The following ZBTB44 variants were observed in gnomAD, a reference collection of about 807,000 sequenced individuals.
ZBTB44 encodes zinc finger and BTB domain containing 44, also known as zinc finger and BTB domain-containing protein 44.
A neutral mutation model predicts 54.0 loss-of-function variants in ZBTB44; 15 were observed. The observed-to-expected ratio is 0.28, with a 90% CI of 0.19 to 0.43. The LOEUF is 0.43. ZBTB44 is among the 20% of genes least tolerant of loss of function. The pLI is 1.00. For missense variants in ZBTB44, 487 were observed against 707.1 expected, an observed-to-expected ratio of 0.69 and a Z score of 3.53; for synonymous variants, 230 against 250.1, an observed-to-expected ratio of 0.92 and a Z score of 0.76.
chr11:130,255,554 C>A (rs1938361835), intron 2 of ZBTB44, among the ~76,000 whole-genome samples: 2 of 152,066 alleles, frequency 1.3e-5, no homozygotes, highest in African/African-American at 4.8e-5. Context: ...TAACTAAGAA[C>A]AGAGCAGAAC....
chr11:130,314,103 G>A (rs1371571658), intron 1 of ZBTB44, among the ~76,000 whole-genome samples: 1 of 152,182 alleles, frequency 6.6e-6, no homozygotes, highest in Non-Finnish European at 1.5e-5. Flanking sequence ...TCCGGGTTAG[G>A]GTGTTGGGCA....
chr11:130,245,408 T>C (rs1182521126), intron 2 of ZBTB44, among the ~76,000 whole-genome samples: 3 of 152,216 alleles, frequency 2.0e-5, no homozygotes, highest in South Asian at 4.1e-4. Flanking sequence ...AAAATAAACA[T>C]TAACTTTTCA....
At position 130,238,560 on chromosome 11, in the gene ZBTB44, G is replaced by T. The variant is rs1450849166; in HGVS notation, c.1151C>A (p.Thr384Asn). The T allele has an allele frequency of 6.2e-7, 1 of 1,612,958 alleles. No individual in the cohort carries two copies. Among genetic ancestry groups the T allele is most frequent in the Non-Finnish European group, 8.5e-7 (1 of 1,179,604 alleles). The change falls in exon 4 of 8, where the codon ACC becomes AAC. Residue 384 changes from threonine (T) to asparagine (N), a missense_variant. Physicochemically the swap from Thr to Asn is moderately conservative, Grantham distance 65 (BLOSUM62 0). Around this residue, in one of 3 missense-constraint regions of ZBTB44, gnomAD observed 277 missense variants for 306.5 expected, o/e 0.90. Transcript: ENST00000357899. ...TGGACTTGGTCGCTCTGTACTGCTGGTGGAAGGAGCAATGTAGAGTTGGTA... is the reference window on the plus strand; with the variant it reads ...TGGACTTGGTCGCTCTGTACTGCTGTTGGAAGGAGCAATGTAGAGTTGGTA... ...YPYQLYIAPS[T>N]SSTERPSPNG...
At chr11:130,249,320 G>A (rs191492468) in intron 2 of ZBTB44, among the ~76,000 whole-genome samples, 13 of 152,242 alleles carry the variant, frequency 8.5e-5, no homozygotes, top group African/African-American at 2.2e-4. Context: ...TACTGACTCT[G>A]GTAGTTTAGT....
chr11:130,247,608 T>C (rs1296650496), intron 2 of ZBTB44, among the ~76,000 whole-genome samples: 1 of 152,110 alleles, frequency 6.6e-6, no homozygotes, highest in East Asian at 1.9e-4. Context: ...AGGATGAACA[T>C]AGGTTGGATT....
At chr11:130,313,966 A>ATATATTTTTTTT in intron 1 of ZBTB44, among the ~76,000 whole-genome samples, 1 of 116,236 alleles carries the variant, frequency 8.6e-6, no homozygotes, top group Middle Eastern at 4.7e-3. Flanking sequence ...ATATATATAT[A>ATATATTTTTTTT]TTTTTTTAAA....
intron 2 of ZBTB44, among the ~76,000 whole-genome samples, chr11:130,254,283 C>T (rs191565951): frequency 6.6e-6 from 1 of 152,036 alleles, no homozygotes; most frequent in Non-Finnish European, 1.5e-5. Context: ...GAACAGGCAA[C>T]CTACAGAATG....
rs11600098 is a variant in ZBTB44 at position 130,230,970 on chromosome 11, C to T, written c.*794G>A. On this transcript the variant is annotated 3_prime_UTR_variant, in exon 8 of 8. Transcript: ENST00000357899. ...CTTGGTTTTAAAAAGGCAATTTATT[C>T]TGCATTCTGAAATTTAAGCCCTTTA... The T allele has an allele frequency of 4.6e-5, 7 of 152,070 alleles. No homozygotes were observed. The highest frequency in any genetic ancestry group is 8.8e-5 in the Non-Finnish European group (6 of 67,960). 9.4% of individuals were successfully genotyped at this position (152,070 alleles called of 1,614,324 possible).
chr11:130,265,128 T>C (rs1219531293), intron 1 of ZBTB44, among the ~76,000 whole-genome samples: 1 of 152,156 alleles, frequency 6.6e-6, no homozygotes, highest in Non-Finnish European at 1.5e-5. Context: ...TCCTCAGGTC[T>C]CCATATTCCA....
intron 1 of ZBTB44, among the ~76,000 whole-genome samples, chr11:130,297,211 G>C (rs1315765240): frequency 6.6e-6 from 1 of 152,158 alleles, no homozygotes; most frequent in Non-Finnish European, 1.5e-5. Context: ...CTTCTATCAA[G>C]TCTCTTTTTA....
intron 1 of ZBTB44, among the ~76,000 whole-genome samples, chr11:130,280,161 G>A (rs1234708710): frequency 6.6e-6 from 1 of 152,096 alleles, no homozygotes; most frequent in African/African-American, 2.4e-5. Context: ...GGTGTAAGAA[G>A]GGAGCCTCTA....
chr11:130,298,363 C>CA (rs1941784793), intron 1 of ZBTB44, among the ~76,000 whole-genome samples: 2 of 151,512 alleles, frequency 1.3e-5, no homozygotes, highest in African/African-American at 4.8e-5. Context: ...AGGCTGGTCT[C>CA]AAACTCCTGG....
intron 1 of ZBTB44, among the ~76,000 whole-genome samples, chr11:130,290,547 G>GCAT (rs1389973704): frequency 6.6e-6 from 1 of 152,074 alleles, no homozygotes; most frequent in Non-Finnish European, 1.5e-5. Context: ...TACTGAAACA[G>GCAT]CATCCTGATT....
chr11:130,309,414 T>C (rs1942460377), intron 1 of ZBTB44, among the ~76,000 whole-genome samples: 1 of 152,214 alleles, frequency 6.6e-6, no homozygotes, highest in Non-Finnish European at 1.5e-5. Context: ...AATTGTGCTC[T>C]GCTTACTTTA....
At chr11:130,241,577 G>T (rs566929378) in intron 2 of ZBTB44, among the ~76,000 whole-genome samples, 7 of 152,200 alleles carry the variant, frequency 4.6e-5, no homozygotes, top group African/African-American at 1.7e-4. Flanking sequence ...TTTAGCATAA[G>T]AGTTCTTTTC....
chr11:130,292,092 A>T (rs996298346), intron 1 of ZBTB44, among the ~76,000 whole-genome samples: 2 of 152,296 alleles, frequency 1.3e-5, no homozygotes, highest in South Asian at 2.1e-4. Flanking sequence ...TGTTGAGCGT[A>T]AGGATTTTTG....
rs575784689 is a variant in ZBTB44 at position 130,312,101 on chromosome 11, T to C, written c.-57+2274A>G. Among the ~76,000 whole-genome samples, 5 of 152,328 alleles carry C rather than the reference T, an allele frequency of 3.3e-5. No homozygotes were observed. In the South Asian group the frequency reaches 1.0e-3, roughly 32 times the overall value. ...AAAGTAAAGAGATTAAATTTAACAT[T>C]TAATTTGCATTTTGGGGAAGAACAA... is the stretch of plus-strand genomic sequence containing the variant. On this transcript the variant is annotated intron_variant, in intron 1 of 7. Transcript: ENST00000357899.
intron 1 of ZBTB44, among the ~76,000 whole-genome samples, chr11:130,312,287 T>G (rs1361803245): frequency 6.6e-6 from 1 of 152,198 alleles, no homozygotes; most frequent in Non-Finnish European, 1.5e-5. Flanking sequence ...GATTACATAT[T>G]AATCACAAAC....
At chr11:130,243,049 C>A (rs1273437438) in intron 2 of ZBTB44, among the ~76,000 whole-genome samples, 1 of 152,142 alleles carries the variant, frequency 6.6e-6, no homozygotes, top group Non-Finnish European at 1.5e-5. Context: ...TATCATTTTT[C>A]TTTTCTAAAA....
Sources: allele counts gnomAD v4.1 joint callset (sites outside exome capture counted in the v4.1 genomes callset), GRCh38; gene constraint gnomAD v4.1.1; regional missense constraint gnomAD v4.1.1; transcripts MANE v1.5; gene names NCBI Gene and HGNC (gene_info 2026-07-23, HGNC 2026-07-21).